PRKG1: variants seen among roughly 807,000 people sequenced by gnomAD.
PRKG1 encodes cGMP-dependent protein kinase 1.
Under a neutral mutation model 88.1 loss-of-function variants are expected in PRKG1, and 35 were observed. The ratio of observed to expected loss-of-function variants is 0.40; its 90% CI spans 0.30 to 0.53. The LOEUF (loss-of-function observed/expected upper bound fraction) is 0.53. Ranked by LOEUF, PRKG1 falls within the 20% of genes least tolerant of loss-of-function variation. The probability of loss-of-function intolerance (pLI) is 0.59; values close to 1 mark genes in which losing one functional copy is unlikely to be tolerated. For missense variants in PRKG1, 540 were observed against 839.8 expected (o/e 0.64, Z 4.41); for synonymous variants, 303 against 292.5 (o/e 1.04, Z -0.37).
At chr10:51,651,603 TAGTC>T (rs1840041160) in intron 3 of PRKG1, among the ~76,000 whole-genome samples, 1 of 151,856 alleles carries the variant, frequency 6.6e-6, no homozygotes, top group Non-Finnish European at 1.5e-5. Context: ...TTTTTTAATT[TAGTC>T]AGAGTTTTGC....
At chr10:51,123,107 T>C (rs1275921801) in intron 1 of PRKG1, among the ~76,000 whole-genome samples, 3 of 152,222 alleles carry the variant, frequency 2.0e-5, no homozygotes, top group Non-Finnish European at 4.4e-5. Flanking sequence ...CCCTGTGGTA[T>C]GCATTCTCCC....
intron 2 of PRKG1, among the ~76,000 whole-genome samples, chr10:51,385,361 A>C (rs190786890): frequency 7.2e-5 from 11 of 152,344 alleles, no homozygotes; most frequent in Admixed American, 7.2e-4. Flanking sequence ...GAGATCTCTA[A>C]ATAATGGTTG....
chr10:51,144,030 A>G (rs1845882952), intron 1 of PRKG1, among the ~76,000 whole-genome samples: 1 of 151,980 alleles, frequency 6.6e-6, no homozygotes, highest in Non-Finnish European at 1.5e-5. Flanking sequence ...GGTTTTATCC[A>G]AAAAATCCTT....
At chr10:51,451,591 C>T (rs1839439515) in intron 2 of PRKG1, among the ~76,000 whole-genome samples, 1 of 151,914 alleles carries the variant, frequency 6.6e-6, no homozygotes. Context: ...CCAGTTTGAA[C>T]TTCTTAACAG....
intron 1 of PRKG1, among the ~76,000 whole-genome samples, chr10:51,011,050 A>G (rs1674511580): frequency 6.6e-6 from 1 of 152,220 alleles, no homozygotes; most frequent in African/African-American, 2.4e-5. Flanking sequence ...AGTGGATCCT[A>G]GCACATCATA....
intron 9 of PRKG1, among the ~76,000 whole-genome samples, chr10:52,210,062 T>C (rs1196585575): frequency 6.6e-6 from 1 of 152,170 alleles, no homozygotes; most frequent in African/African-American, 2.4e-5. Context: ...TCTGATTTGA[T>C]GTGAAGATTA....
chr10:52,168,376 T>C (rs867079219), intron 9 of PRKG1, among the ~76,000 whole-genome samples: 1 of 152,170 alleles, frequency 6.6e-6, no homozygotes, highest in South Asian at 2.1e-4. Context: ...AGGAACAGCA[T>C]GGAAAAAGCC....
At chr10:51,808,679 T>C (rs1839371690) in intron 4 of PRKG1, among the ~76,000 whole-genome samples, 1 of 152,180 alleles carries the variant, frequency 6.6e-6, no homozygotes, top group Non-Finnish European at 1.5e-5. Context: ...CTTTAAGTGC[T>C]TTAAAGCAGT....
intron 5 of PRKG1, among the ~76,000 whole-genome samples, chr10:51,932,283 C>A (rs2133007172): frequency 6.6e-6 from 1 of 151,330 alleles, no homozygotes; most frequent in Admixed American, 6.6e-5. Flanking sequence ...CAGAAAATAC[C>A]ATACAGTCTG....
At chr10:51,317,087 A>AT (rs1380760710) in intron 2 of PRKG1, among the ~76,000 whole-genome samples, 1 of 152,102 alleles carries the variant, frequency 6.6e-6, no homozygotes, top group Non-Finnish European at 1.5e-5. Context: ...AAGGTCTTTT[A>AT]TTTTTTCCCC....
chr10:51,157,422 T>A (rs1846241854), intron 2 of PRKG1, among the ~76,000 whole-genome samples: 1 of 151,944 alleles, frequency 6.6e-6, no homozygotes, highest in South Asian at 2.1e-4. Flanking sequence ...TGGATACAGT[T>A]TATTTTCTTA....
intron 2 of PRKG1, among the ~76,000 whole-genome samples, chr10:51,238,591 T>TA (rs1214142079): frequency 7.7e-6 from 1 of 129,104 alleles, no homozygotes; most frequent in African/African-American, 3.0e-5. Flanking sequence ...TTAAAAAAAA[T>TA]AAAAAAATAA....
chr10:52,004,698 C>T (rs543681095), intron 5 of PRKG1, among the ~76,000 whole-genome samples: 58 of 152,228 alleles, frequency 3.8e-4, no homozygotes, highest in African/African-American at 1.4e-3. Flanking sequence ...AGGGGGGAAA[C>T]GTTCATAATT....
At chr10:51,271,412 G>A (rs1023919293) in intron 2 of PRKG1, among the ~76,000 whole-genome samples, 12 of 152,116 alleles carry the variant, frequency 7.9e-5, no homozygotes, top group South Asian at 2.1e-4. Context: ...GTTTGCTTAC[G>A]GAAAATCTCT....
rs11815008 is a variant in PRKG1, at chr10:51,555,348, A to C, written c.592+87512A>C. Among the ~76,000 whole-genome samples the C allele has an allele frequency of 3.9e-5, 6 of 151,922 alleles. No individual in the cohort carries two copies. The South Asian group carries it at 1.2e-3, about 32-fold the overall frequency. On this transcript the variant is annotated intron_variant, in intron 3 of 17. Transcript: ENST00000373980. ...GGCATTTTGTATTTTTTCATTATTT[A>C]ATAGAGTGAAATTTTATTGCTTGGG...
chr10:51,453,098 T>C (rs964550359), intron 2 of PRKG1, among the ~76,000 whole-genome samples: 4 of 152,010 alleles, frequency 2.6e-5, no homozygotes, highest in Non-Finnish European at 5.9e-5. Flanking sequence ...CATGGTAGCC[T>C]TGAATGATCC....
intron 5 of PRKG1, among the ~76,000 whole-genome samples, chr10:51,972,278 A>C (rs1843730466): frequency 6.6e-6 from 1 of 152,182 alleles, no homozygotes; most frequent in African/African-American, 2.4e-5. Flanking sequence ...ATAGTTTAAA[A>C]GTATTCTGTT....
intron 4 of PRKG1, among the ~76,000 whole-genome samples, chr10:51,856,104 C>A (rs538904224): frequency 6.6e-6 from 1 of 152,110 alleles, no homozygotes; most frequent in African/African-American, 2.4e-5. Flanking sequence ...ACCTTCTGCC[C>A]CATTGACCCA....
intron 3 of PRKG1, among the ~76,000 whole-genome samples, chr10:51,642,493 T>G (rs1839824945): frequency 6.6e-6 from 1 of 152,202 alleles, no homozygotes; most frequent in South Asian, 2.1e-4. Context: ...AGACATCAGC[T>G]TTCCATTTTT....
Sources: allele counts gnomAD v4.1 joint callset (sites outside exome capture counted in the v4.1 genomes callset), GRCh38; gene constraint gnomAD v4.1.1; transcripts MANE v1.5; gene names NCBI Gene and HGNC (gene_info 2026-07-23, HGNC 2026-07-21).